Variants in MORN1 observed in about 807,000 individuals in gnomAD.
MORN1 encodes MORN repeat-containing protein 1.
MORN1 carries 67 observed loss-of-function variants against 61.9 expected under a neutral mutation model. The ratio of observed to expected loss-of-function variants is 1.08; its 90% CI spans 0.89 to 1.33. The LOEUF is 1.33. Among genes scored for constraint, MORN1 ranks in the 40% most tolerant of loss-of-function variants. MORN1 has a pLI of 0.00. For synonymous variants in MORN1, 301 were observed against 292.0 expected (o/e 1.03, Z -0.31); for missense variants, 752 against 691.2 (o/e 1.09, Z -0.99).
rs1642150084 is a variant in MORN1, at chr1:2,372,758, C to CAT, written c.635-168_635-167insAT. Among the ~76,000 whole-genome samples, 1 of 131,560 alleles carries CAT rather than the reference C, an allele frequency of 7.6e-6. No individual in the cohort carries two copies. The highest frequency in any genetic ancestry group is 2.5e-4 in the South Asian group (1 of 4,042). 86.3% of individuals were successfully genotyped at this position (131,560 alleles called of 152,430 possible). ...CTCCGCAAACCACCTTGCAGAGCAG[C>CAT]GACCTGGGCAGTCGTCCACACTCAG... is the stretch of plus-strand genomic sequence containing the variant. On this transcript the variant is annotated intron_variant, in intron 7 of 13. Coordinates refer to ENST00000378531, the MANE Select transcript of MORN1 (RefSeq NM_024848.3). This position sits in a 1 kb window ranked among gnomAD's most constrained non-coding sequence, Gnocchi z 5.4.
chr1:2,348,838 C>T (rs1641587998), intron 10 of MORN1, among the ~76,000 whole-genome samples: 1 of 152,198 alleles, frequency 6.6e-6, no homozygotes, highest in Non-Finnish European at 1.5e-5. Flanking sequence ...CGCACACGCA[C>T]ACCTGCGCGG....
At chr1:2,374,859 C>CAAA in intron 6 of MORN1, 2 of 251,166 alleles carry the variant, frequency 8.0e-6, no homozygotes, top group Non-Finnish European at 1.5e-5. Context: ...CACATTTCAG[C>CAAA]AAAAAAAAAA....
Position 2,360,619 on chromosome 1 carries a change from A to AGAGGACCCTGAGTAGAGG in MORN1, c.746-1922_746-1905dup, listed in dbSNP as rs761789555. ...AAGGGCAGAGCAGCGAAGAGGAGAGAGAGGACCCTGAGTAGAGGGAGGACC... is the reference window on the plus strand; with the variant it reads ...AAGGGCAGAGCAGCGAAGAGGAGAGAGAGGACCCTGAGTAGAGGGAGGACCCTGAGTAGAGGGAGGACC... On this transcript the variant is annotated intron_variant, in intron 8 of 13. Coordinates refer to ENST00000378531, the MANE Select transcript of MORN1 (RefSeq NM_024848.3). 2.9e-3 allele frequency among the ~76,000 whole-genome samples: 447 copies of AGAGGACCCTGAGTAGAGG among 152,250 alleles called. 2 individuals are homozygous for AGAGGACCCTGAGTAGAGG. The highest frequency in any genetic ancestry group is 5.1e-3 in the Non-Finnish European group (346 of 68,006).
In MORN1 at chr1:2,334,309, T is replaced by C. The variant is rs965015813; in HGVS notation, c.1250+2160A>G. Reference sequence around the variant, plus strand: ...AACTGGTGGTGGGGGTCAGGCTCCATGGAGGACGAGAGGCACAGGCCCAGG... The same window carrying C: ...AACTGGTGGTGGGGGTCAGGCTCCACGGAGGACGAGAGGCACAGGCCCAGG... On this transcript the variant is annotated intron_variant, in intron 12 of 13. Transcript: ENST00000378531. This position sits in a 1 kb window ranked among gnomAD's most constrained non-coding sequence, Gnocchi z 5.4. Among the ~76,000 whole-genome samples the C allele has an allele frequency of 2.6e-5, 4 of 152,070 alleles. No homozygotes were observed. Among genetic ancestry groups the C allele is most frequent in the Admixed American group, 6.5e-5 (1 of 15,276 alleles).
chr1:2,360,086 C>G (rs559471083), intron 8 of MORN1, among the ~76,000 whole-genome samples: 2 of 152,292 alleles, frequency 1.3e-5, no homozygotes, highest in Admixed American at 1.3e-4. Flanking sequence ...GGGCTACCCC[C>G]AATCATCACG....
intron 10 of MORN1, among the ~76,000 whole-genome samples, chr1:2,339,982 C>T (rs140279327): frequency 2.7e-4 from 41 of 152,380 alleles, no homozygotes; most frequent in African/African-American, 9.1e-4. Flanking sequence ...CTCCGCCGCG[C>T]GGCTTCTCCG....
At chr1:2,374,146 C>T (rs1642183306) in intron 7 of MORN1, among the ~76,000 whole-genome samples, 1 of 152,204 alleles carries the variant, frequency 6.6e-6, no homozygotes, top group Non-Finnish European at 1.5e-5. Context: ...TGAGCCGAGG[C>T]CACCCTGTGG....
At chr1:2,386,183 G>A (rs868532678) in intron 4 of MORN1, 16 of 436,994 alleles carry the variant, frequency 3.7e-5, no homozygotes, top group South Asian at 7.4e-5. Context: ...TGAAAGGTGC[G>A]GTTGAGGGGC....
At chr1:2,344,364 C>T (rs949357182) in intron 10 of MORN1, among the ~76,000 whole-genome samples, 3 of 152,210 alleles carry the variant, frequency 2.0e-5, no homozygotes, top group Non-Finnish European at 2.9e-5. Context: ...CAAGGTGGTG[C>T]GGCGAGCTGG....
At chr1:2,391,184 A>G (rs1642650645) in intron 1 of MORN1, among the ~76,000 whole-genome samples, 3 of 152,110 alleles carry the variant, frequency 2.0e-5, no homozygotes, top group Non-Finnish European at 4.4e-5. Flanking sequence ...CTGCGGCCGG[A>G]ACCCGGTCTT....
At position 2,358,633 on chromosome 1, in the gene MORN1, T is replaced by A; in HGVS notation, c.828A>T (p.Lys276Asn). 1 of 1,614,110 alleles carries A rather than the reference T, an allele frequency of 6.2e-7. No homozygotes were observed. The highest frequency in any genetic ancestry group is 8.5e-7 in the Non-Finnish European group (1 of 1,179,986). ...LSAYSEVNFF[K>N]VDRDNQETLI... Reference sequence around the variant, plus strand: ...GTGTCTCTTGGTTGTCTCTGTCCACTTTGAAAAAGTTGACCTCAGAGTAGG... The same window carrying A: ...GTGTCTCTTGGTTGTCTCTGTCCACATTGAAAAAGTTGACCTCAGAGTAGG... The change falls in exon 9 of 14, where the codon AAA becomes AAT. Residue 276 changes from lysine to asparagine, a missense_variant. Lys to Asn is a moderately conservative substitution (Grantham distance 94). Transcript: ENST00000378531.
chr1:2,321,568 G>A lies in MORN1; in HGVS notation c.1309C>T (p.Leu437Phe). 1 of 1,510,846 alleles carries A rather than the reference G, an allele frequency of 6.6e-7. No individual in the cohort carries two copies. The highest frequency in any genetic ancestry group is 1.3e-5 in the South Asian group (1 of 78,044). 93.6% of individuals were successfully genotyped at this position (1,510,846 alleles called of 1,614,324 possible). ...GGGGTGGTCACGTCGCGGATCATGAGCACGTACTCCCCTGCAAGGGGCGGG... is the reference window on the plus strand; with the variant it reads ...GGGGTGGTCACGTCGCGGATCATGAACACGTACTCCCCTGCAAGGGGCGGG... The part of the protein sequence containing the change: ...AAAAHLGEYV[L>F]MIRDVTTPPF... The change falls in exon 14 of 14, where the codon CTC (leucine) becomes TTC (phenylalanine). Residue 437 changes from leucine to phenylalanine, a missense_variant. Transcript: ENST00000378531.
At chr1:2,366,949 A>G (rs889737660) in intron 8 of MORN1, among the ~76,000 whole-genome samples, 1 of 152,150 alleles carries the variant, frequency 6.6e-6, no homozygotes, top group Non-Finnish European at 1.5e-5. Flanking sequence ...AATATCAATA[A>G]TATCAACAAA....
At chr1:2,325,149 TTCCTTCCC>T (rs1640989061) in intron 12 of MORN1, among the ~76,000 whole-genome samples, 1 of 123,170 alleles carries the variant, frequency 8.1e-6, no homozygotes, top group Non-Finnish European at 1.7e-5. Context: ...CCTCCCTCCC[TTCCTTCCC>T]TCCCTTCCTT....
chr1:2,329,998 A>AG (rs1359087324), intron 12 of MORN1, among the ~76,000 whole-genome samples: 1 of 152,074 alleles, frequency 6.6e-6, no homozygotes, highest in Non-Finnish European at 1.5e-5. Context: ...GCTCCGGGTG[A>AG]GGGGGGACCC....
intron 12 of MORN1, 93 bp from the exon 13 acceptor site, chr1:2,324,236 G>C (rs1258733418): frequency 3.7e-6 from 5 of 1,334,296 alleles, no homozygotes; most frequent in African/African-American, 1.5e-5. Context: ...TGGCTCCAGG[G>C]CAGATTCAGG....
intron 10 of MORN1, chr1:2,352,134 T>C: frequency 2.6e-6 from 1 of 382,548 alleles, no homozygotes. Flanking sequence ...TTTGTGAGCT[T>C]TTTGTCCCCT....
chr1:2,325,777 A>T (rs1169641801), intron 12 of MORN1, among the ~76,000 whole-genome samples: 1 of 148,660 alleles, frequency 6.7e-6, no homozygotes, highest in East Asian at 2.0e-4. Flanking sequence ...ACGTGCCATC[A>T]TGCTCAGCTA....
chr1:2,325,119 TTCCCTTCCTTCCTTCCCTCCC>T (rs1640980368), intron 12 of MORN1, among the ~76,000 whole-genome samples: 13 of 55,618 alleles, frequency 2.3e-4, no homozygotes, highest in South Asian at 7.0e-4. Context: ...CTTCCCTTCC[TTCCCTTCCTTCCTTCCCTCCC>T]TCCCTCCCTT....
Sources: gnomAD v4.1 joint callset for allele counts (sites outside exome capture counted in the v4.1 genomes callset) on GRCh38, gnomAD v4.1.1 for gene constraint, Gnocchi (gnomAD v3.1) non-coding constraint, MANE v1.5 for transcripts, NCBI Gene and HGNC (gene_info 2026-07-23, HGNC 2026-07-21) for gene names.